The following INVS variants were observed in gnomAD, a reference collection of about 807,000 sequenced individuals.
INVS encodes the protein inversion of embryo turning homolog.
Under a neutral mutation model 108.8 loss-of-function variants are expected in INVS, and 86 were observed. The observed-to-expected ratio is 0.79, with a 90% CI of 0.66 to 0.95. The LOEUF is 0.95. Among genes scored for constraint, INVS ranks in the 40% least tolerant of loss-of-function variants. INVS has a pLI of 0.00. For synonymous variants in INVS, 455 were observed against 473.5 expected (o/e 0.96, Z 0.51); for missense variants, 1,169 against 1,297.4 (o/e 0.90, Z 1.52).
chr9:100,120,673 TC>T (rs1188840643), intron 2 of INVS: 2 of 152,242 alleles, frequency 1.3e-5, no homozygotes, highest in Non-Finnish European at 2.9e-5. Context: ...GCAAACCATC[TC>T]TGATGTCCTG....
At chr9:100,211,134 T>C (rs1276068217) in intron 3 of INVS, among the ~76,000 whole-genome samples, 1 of 152,092 alleles carries the variant, frequency 6.6e-6, no homozygotes, top group Non-Finnish European at 1.5e-5. Context: ...TGAGAACTTC[T>C]TTTGCTAGAG....
chr9:100,201,659 CACA>C (rs1830535544), intron 3 of INVS, among the ~76,000 whole-genome samples: 1 of 152,162 alleles, frequency 6.6e-6, no homozygotes, highest in South Asian at 2.1e-4. Flanking sequence ...TATTTCATCC[CACA>C]ACAAGATATA....
intron 3 of INVS, chr9:100,175,048 C>G (rs1174487579): frequency 1.0e-5 from 2 of 198,554 alleles, no homozygotes; most frequent in Non-Finnish European, 2.1e-5. Context: ...CTCACTTCAT[C>G]CCAACTTCTT....
At chr9:100,279,478 A>G (rs1012174726) in intron 12 of INVS, among the ~76,000 whole-genome samples, 3 of 152,230 alleles carry the variant, frequency 2.0e-5, no homozygotes, top group Non-Finnish European at 4.4e-5. Context: ...TTCGTTGTTA[A>G]GAGAGTGGTG....
At position 100,302,109 on chromosome 9, in the gene INVS, C is replaced by CA. The variant is rs146292456; in HGVS notation, c.*1438dup. ...TTCTTTAAAAGTTCAGCTTTAATGA[C>CA]AAAGATCTATTACATCAGTCTTTTT... On this transcript the variant is annotated 3_prime_UTR_variant, in exon 17 of 17. Transcript: ENST00000262457. 9.2e-4 allele frequency: 748 copies of CA among 814,212 alleles called. 12 individuals are homozygous for CA. The East Asian group carries it at 0.019, about 21-fold the overall frequency. The allele number at this position is 814,212 out of a possible 1,614,324, so 50.4% of individuals were successfully genotyped here.
intron 3 of INVS, chr9:100,175,891 G>A: frequency 1.7e-6 from 1 of 600,770 alleles, no homozygotes. Flanking sequence ...TGCAAGTCCT[G>A]CATGCGGTTC....
intron 12 of INVS, among the ~76,000 whole-genome samples, chr9:100,274,084 G>A (rs1833044927): frequency 6.6e-6 from 1 of 152,052 alleles, no homozygotes; most frequent in Admixed American, 6.6e-5. Context: ...AAAGCTGGGT[G>A]CGGTGGCTCA....
intron 1 of INVS, among the ~76,000 whole-genome samples, chr9:100,100,481 C>T (rs1379106554): frequency 2.8e-5 from 4 of 144,454 alleles, no homozygotes; most frequent in Non-Finnish European, 5.9e-5. Flanking sequence ...TAGCACTCAG[C>T]CTGTGACCTT....
At chr9:100,200,270 C>T (rs1830497871) in intron 3 of INVS, among the ~76,000 whole-genome samples, 1 of 152,158 alleles carries the variant, frequency 6.6e-6, no homozygotes, top group Admixed American at 6.5e-5. Context: ...ATTCCAACAT[C>T]TGGGTTATCT....
intron 3 of INVS, among the ~76,000 whole-genome samples, chr9:100,161,118 G>A (rs1349433497): frequency 2.6e-5 from 4 of 151,888 alleles, no homozygotes; most frequent in African/African-American, 7.3e-5. Flanking sequence ...CAGCACGCCT[G>A]TAATCCCAGC....
In INVS at chr9:100,292,856, CT is replaced by C; in HGVS notation, c.2600del (p.Leu867ArgfsTer23). 3.1e-6 allele frequency: 5 copies of C among 1,614,204 alleles called. No individual in the cohort carries two copies. The highest frequency in any genetic ancestry group is 3.4e-6 in the Non-Finnish European group (4 of 1,180,042). On this transcript the variant is annotated frameshift_variant, in exon 14 of 17. Transcript: ENST00000262457. LOFTEE classifies it high-confidence loss of function. ...AGCTAGGAGGCTGGAGACATCTACC[CT>C]GTCCGAGGACTTTCAGGTATCTAAG... The part of the protein sequence containing the change: ...SGARRLETST[L>X]SEDFQVSKET...
chr9:100,115,869 A>T (rs541044942), intron 2 of INVS, among the ~76,000 whole-genome samples: 63 of 152,288 alleles, frequency 4.1e-4, no homozygotes, highest in African/African-American at 1.3e-3. Context: ...AGGAATCGCC[A>T]CACTGTCTTC....
intron 12 of INVS, among the ~76,000 whole-genome samples, chr9:100,273,977 C>T (rs1350821776): frequency 1.3e-5 from 2 of 152,202 alleles, no homozygotes; most frequent in Non-Finnish European, 2.9e-5. Context: ...AAAATCCCCC[C>T]TGCCTCAAGG....
At chr9:100,248,041 C>G (rs892269283) in intron 8 of INVS, among the ~76,000 whole-genome samples, 2 of 152,070 alleles carry the variant, frequency 1.3e-5, no homozygotes, top group Admixed American at 1.3e-4. Flanking sequence ...TGGTCTCGAA[C>G]TTCTGAGCTC....
chr9:100,101,073 T>TACAC (rs200604109), intron 1 of INVS, among the ~76,000 whole-genome samples: 1 of 121,106 alleles, frequency 8.3e-6, no homozygotes, highest in Non-Finnish European at 1.6e-5. Context: ...GTATAATATA[T>TACAC]ACACACACAC....
At chr9:100,284,653 T>C in intron 13 of INVS, 50 bp downstream of exon 13, 1 of 1,583,552 alleles carries the variant, frequency 6.3e-7, no homozygotes, top group Non-Finnish European at 8.6e-7. Flanking sequence ...ACTGTGGGCT[T>C]TTTTGATTGG....
intron 3 of INVS, among the ~76,000 whole-genome samples, chr9:100,212,198 T>C (rs1830851837): frequency 6.6e-6 from 1 of 152,210 alleles, no homozygotes; most frequent in African/African-American, 2.4e-5. Flanking sequence ...TATCTAAGCA[T>C]ACAAGAAGGC....
rs547725117 is a variant in INVS at position 100,103,485 on chromosome 9, G to A, written c.-24-1013G>A. On this transcript the variant is annotated intron_variant, in intron 1 of 16. Transcript: ENST00000262457. ...CTACTAAAAAATACAAAACTTAGCC[G>A]GTCGTGATGGCAGGTGCCTATAATC... Among the ~76,000 whole-genome samples the A allele has an allele frequency of 5.3e-5, 8 of 151,924 alleles. 1 individual carries two copies. The South Asian group carries it at 1.2e-3, about 24-fold the overall frequency.
intron 3 of INVS, among the ~76,000 whole-genome samples, chr9:100,225,151 A>G (rs571261789): frequency 4.9e-4 from 72 of 146,632 alleles, no homozygotes; most frequent in Non-Finnish European, 8.7e-4. Flanking sequence ...TCCGCCTCCC[A>G]GGTTCACGCC....
Sources: gnomAD v4.1 joint callset for allele counts (sites outside exome capture counted in the v4.1 genomes callset) on GRCh38, gnomAD v4.1.1 for gene constraint, MANE v1.5 for transcripts, NCBI Gene and HGNC (gene_info 2026-07-23, HGNC 2026-07-21) for gene names.